Variants in DLGAP4 observed in about 807,000 individuals in gnomAD.
DLGAP4 encodes the protein disks large-associated protein 4.
DLGAP4 carries 18 observed loss-of-function variants against 86.9 expected under a neutral mutation model. The ratio of observed to expected loss-of-function variants is 0.21; its 90% confidence interval spans 0.14 to 0.31. The LOEUF is 0.31. Ranked by LOEUF, DLGAP4 falls within the 10% of genes least tolerant of loss-of-function variation. The pLI, the probability that DLGAP4 is intolerant of heterozygous loss-of-function variation, is 1.00. For synonymous variants in DLGAP4, 548 were observed against 574.3 expected, an observed-to-expected ratio of 0.95 and a Z score of 0.65; for missense variants, 1,085 against 1,362.6, an observed-to-expected ratio of 0.80 and a Z score of 3.21.
chr20:36,512,680 G>A (rs983747511), intron 10 of DLGAP4: 1 of 152,386 alleles, frequency 6.6e-6, no homozygotes, highest in Non-Finnish European at 1.5e-5. Flanking sequence ...TGCATTCAGG[G>A]TGGTCAGGGA....
chr20:36,520,058 G>A (rs138375800), intron 10 of DLGAP4, among the ~76,000 whole-genome samples: 6 of 151,794 alleles, frequency 4.0e-5, no homozygotes, highest in African/African-American at 1.5e-4. Context: ...GCCTCCTAAA[G>A]TTCTGGGATT....
At chr20:36,335,663 C>T (rs1487988736) in intron 1 of DLGAP4, among the ~76,000 whole-genome samples, 1 of 152,216 alleles carries the variant, frequency 6.6e-6, no homozygotes, top group Admixed American at 6.5e-5. Context: ...CTTCTTCCTC[C>T]CTCTTGTTCC....
At chr20:36,491,438 A>G (rs944776530) in intron 7 of DLGAP4, among the ~76,000 whole-genome samples, 2 of 151,932 alleles carry the variant, frequency 1.3e-5, no homozygotes, top group African/African-American at 2.4e-5. Flanking sequence ...CATGGCTGAG[A>G]GGGGGTCAGG....
At chr20:36,320,949 C>T (rs1284559227) in intron 1 of DLGAP4, among the ~76,000 whole-genome samples, 1 of 152,236 alleles carries the variant, frequency 6.6e-6, no homozygotes, top group Non-Finnish European at 1.5e-5. Context: ...AGCACTTTGT[C>T]CCCTGTGTAG....
intron 7 of DLGAP4, among the ~76,000 whole-genome samples, chr20:36,495,841 G>A (rs2035862457): frequency 6.6e-6 from 1 of 152,094 alleles, no homozygotes; most frequent in African/African-American, 2.4e-5. Flanking sequence ...GGACCCTGAA[G>A]GATGTGTGTT....
chr20:36,392,439 T>C (rs1373846419), intron 2 of DLGAP4, among the ~76,000 whole-genome samples: 1 of 152,164 alleles, frequency 6.6e-6, no homozygotes, highest in Non-Finnish European at 1.5e-5. Context: ...TGGCATGATC[T>C]CAGCTCACTG....
chr20:36,351,122 GC>G (rs779451036), intron 1 of DLGAP4, among the ~76,000 whole-genome samples: 2 of 152,204 alleles, frequency 1.3e-5, no homozygotes, highest in African/African-American at 4.8e-5. Context: ...GTGGTTGGGG[GC>G]CCCCCTGCCT....
rs220077 is a variant in DLGAP4 at position 36,499,222 on chromosome 20, T to C, written c.2011-366T>C. The C allele has an allele frequency of 5.0e-6, 8 of 1,588,528 alleles. No homozygotes were observed. In the African/African-American group the frequency reaches 5.5e-5, roughly 11 times the overall value. The stretch of plus-strand genomic sequence containing the variant: ...CTCTTTCGTCGTCCTTTTTTTTTTT[T>C]CTCTCTGATGCGTGTGAAGGAGAGG... On this transcript the variant is annotated intron_variant, in intron 8 of 12. Coordinates refer to ENST00000339266, the MANE Select transcript of DLGAP4 (RefSeq NM_001365621.2).
At chr20:36,323,405 A>G (rs1409580569) in intron 1 of DLGAP4, among the ~76,000 whole-genome samples, 7 of 152,066 alleles carry the variant, frequency 4.6e-5, no homozygotes, top group African/African-American at 1.7e-4. Flanking sequence ...TTTGTCAATG[A>G]GATTCATCAT....
chr20:36,527,191 T>A lies in DLGAP4; in HGVS notation c.*160T>A. Reference sequence around the variant, plus strand: ...TACAAGGGCTCACAATTTGGCTTTTTTGGGTCCCTCCCAGCTTTAGGTTAT... The same window carrying A: ...TACAAGGGCTCACAATTTGGCTTTTATGGGTCCCTCCCAGCTTTAGGTTAT... On this transcript the variant is annotated 3_prime_UTR_variant, in exon 13 of 13. Coordinates refer to ENST00000339266, the MANE Select transcript of DLGAP4 (RefSeq NM_001365621.2). 1.6e-6 allele frequency: 1 copy of A among 622,008 alleles called. No homozygotes were observed. Among genetic ancestry groups the A allele is most frequent in the Admixed American group, 3.5e-5 (1 of 28,220 alleles). 38.5% of individuals were successfully genotyped at this position (622,008 alleles called of 1,614,324 possible). A position where few individuals can be genotyped will look rare whatever the true frequency, so the allele number is the denominator to read the frequency against.
At chr20:36,343,662 T>G (rs1411246167) in intron 1 of DLGAP4, among the ~76,000 whole-genome samples, 1 of 152,200 alleles carries the variant, frequency 6.6e-6, no homozygotes, top group Non-Finnish European at 1.5e-5. Context: ...ACTATATCTG[T>G]GTCTGCACGC....
In DLGAP4 at chr20:36,306,362, C is replaced by T. The variant is rs2065002251; in HGVS notation, c.-454C>T. The T allele has an allele frequency of 6.7e-6, 1 of 149,998 alleles. No homozygotes were observed. Among genetic ancestry groups the T allele is most frequent in the African/African-American group, 2.4e-5 (1 of 41,160 alleles). The allele number at this position is 149,998 out of a possible 1,614,324, so 9.3% of individuals were successfully genotyped here. On this transcript the variant is annotated 5_prime_UTR_variant, in exon 1 of 13. Coordinates refer to ENST00000339266, the MANE Select transcript of DLGAP4 (RefSeq NM_001365621.2). This position sits in a 1 kb window ranked among gnomAD's most constrained non-coding sequence, Gnocchi z 4.9. ...CCGCAGCCGCATCTGGGGCGCCGCG[C>T]CGGCCGGAGGAGAGGCATGGGGCGC... is the stretch of plus-strand genomic sequence containing the variant.
chr20:36,523,444 G>A (rs1486627879), intron 10 of DLGAP4, among the ~76,000 whole-genome samples: 1 of 152,164 alleles, frequency 6.6e-6, no homozygotes, highest in East Asian at 1.9e-4. Flanking sequence ...ATTTATGTTA[G>A]TGAAAGTGGT....
intron 1 of DLGAP4, among the ~76,000 whole-genome samples, chr20:36,339,619 A>T (rs2065357021): frequency 6.6e-6 from 1 of 152,210 alleles, no homozygotes; most frequent in Non-Finnish European, 1.5e-5. Context: ...AAACGCTGGG[A>T]CTGCAGGCCT....
intron 1 of DLGAP4, among the ~76,000 whole-genome samples, chr20:36,344,987 G>A (rs1309231259): frequency 6.6e-6 from 1 of 152,224 alleles, no homozygotes; most frequent in Non-Finnish European, 1.5e-5. Flanking sequence ...GAAACAGGTG[G>A]AGGATGCACT....
At chr20:36,475,410 C>A (rs2034866223) in intron 7 of DLGAP4, among the ~76,000 whole-genome samples, 1 of 151,934 alleles carries the variant, frequency 6.6e-6, no homozygotes, top group South Asian at 2.1e-4. Context: ...GGGATTTTGC[C>A]ATGTTGACCA....
chr20:36,477,776 A>G (rs907257795), intron 7 of DLGAP4, among the ~76,000 whole-genome samples: 5 of 152,222 alleles, frequency 3.3e-5, no homozygotes, highest in African/African-American at 1.2e-4. Flanking sequence ...GAATCCTAGC[A>G]CAGTGTTTGG....
In DLGAP4 at chr20:36,522,818, G is replaced by C. The variant is rs2037459599; in HGVS notation, c.2513-1432G>C. Among the ~76,000 whole-genome samples the C allele has an allele frequency of 2.0e-5, 3 of 152,246 alleles. No individual in the cohort carries two copies. The South Asian group carries it at 6.2e-4, about 32-fold the overall frequency. ...TTTGCTTTTCAGTGATTTCTAAGGGGGTTGGGGATGGGTGGCACTGTCTTT... is the reference window on the plus strand; with the variant it reads ...TTTGCTTTTCAGTGATTTCTAAGGGCGTTGGGGATGGGTGGCACTGTCTTT... On this transcript the variant is annotated intron_variant, in intron 10 of 12. Transcript: ENST00000339266.
intron 7 of DLGAP4, among the ~76,000 whole-genome samples, chr20:36,477,062 T>TA (rs1169818146): frequency 2.0e-5 from 3 of 151,750 alleles, no homozygotes; most frequent in African/African-American, 4.8e-5. Flanking sequence ...AATTAACTCT[T>TA]ATGGTAGTGA....
Sources: allele counts gnomAD v4.1 joint callset (sites outside exome capture counted in the v4.1 genomes callset), GRCh38; gene constraint gnomAD v4.1.1; non-coding constraint Gnocchi (gnomAD v3.1); transcripts MANE v1.5; gene names NCBI Gene and HGNC (gene_info 2026-07-23, HGNC 2026-07-21).